ZNF300: variants seen among roughly 807,000 people sequenced by gnomAD.
ZNF300 encodes the protein zinc finger protein 300, also known as kruppel-like zinc finger protein.
Under a neutral mutation model 13.9 loss-of-function variants are expected in ZNF300, and 6 were observed. The ratio of observed to expected loss-of-function variants is 0.43; its 90% CI spans 0.24 to 0.85. The LOEUF (loss-of-function observed/expected upper bound fraction) is 0.85, where lower values mean the gene tolerates loss of function less well. ZNF300 is among the 40% of genes least tolerant of loss of function. The pLI is 0.25. For synonymous variants in ZNF300, 237 were observed against 242.2 expected (o/e 0.98, Z 0.20); for missense variants, 662 against 714.2 (o/e 0.93, Z 0.83).
chr5:150,902,138 C>G (rs191424888), intron 3 of ZNF300, among the ~76,000 whole-genome samples: 34 of 152,114 alleles, frequency 2.2e-4, no homozygotes, highest in African/African-American at 7.7e-4. Flanking sequence ...AAATTTTTAT[C>G]TTTTATATAA....
chr5:150,896,481 G>GTATT lies in ZNF300; in HGVS notation c.754_757dup (p.Thr253LysfsTer14). On this transcript the variant is annotated frameshift_variant, in exon 6 of 6. Transcript: ENST00000274599. LOFTEE classifies it low-confidence loss of function (END_TRUNC). ...ATTCTGATATTGAATAAGGGATTGTGTATTTCTAAAAACGTTTCCACACTG... is the reference window on the plus strand; with the variant it reads ...ATTCTGATATTGAATAAGGGATTGTGTATTTATTTCTAAAAACGTTTCCACACTG... 6.2e-7 allele frequency: 1 copy of GTATT among 1,613,372 alleles called. No homozygotes were observed. Among genetic ancestry groups the GTATT allele is most frequent in the Non-Finnish European group, 8.5e-7 (1 of 1,179,724 alleles).
chr5:150,900,951 A>G (rs962318749), intron 3 of ZNF300, among the ~76,000 whole-genome samples: 4 of 152,114 alleles, frequency 2.6e-5, no homozygotes, highest in Admixed American at 2.6e-4. Flanking sequence ...ATAGTACATA[A>G]TCAGTGAAAA....
chr5:150,902,923 C>T (rs1755035612), intron 3 of ZNF300, among the ~76,000 whole-genome samples: 1 of 152,176 alleles, frequency 6.6e-6, no homozygotes, highest in South Asian at 2.1e-4. Flanking sequence ...AATCGTGTAA[C>T]TCATGATGTC....
rs533675832 is a variant in ZNF300, at chr5:150,896,516, A to C, written c.723T>G (p.Phe241Leu). The change falls in exon 6 of 6, where the codon TTT (phenylalanine) becomes TTG (leucine). Residue 241 changes from phenylalanine (F) to leucine (L), a missense_variant. Physicochemically the swap from Phe to Leu is conservative, Grantham distance 22. Transcript: ENST00000274599. The stretch of plus-strand genomic sequence containing the variant: ...AAACGTTTCCACACTGATTATCATC[A>C]AAAGGTATTACTCCATTGTGAATCT... ...LEKIHNGVIP[F>L]DDNQCGNVFR... 1.9e-6 allele frequency: 3 copies of C among 1,613,640 alleles called. No homozygotes were observed. The highest frequency in any genetic ancestry group is 1.3e-5 in the African/African-American group (1 of 75,032).
rs1311561736 is a variant in ZNF300, at chr5:150,897,969, A to G, written c.265+93T>C. Reference sequence around the variant, plus strand: ...GTTGAGTGACTACTAAATTCTCAGCATAGAAGCAAAGAATAGGAGATTTTG... The same window carrying G: ...GTTGAGTGACTACTAAATTCTCAGCGTAGAAGCAAAGAATAGGAGATTTTG... On this transcript the variant is annotated intron_variant, in intron 5 of 5. Transcript: ENST00000274599. 12 of 1,471,036 alleles carry G rather than the reference A, an allele frequency of 8.2e-6. 1 individual carries two copies. In the African/African-American group the frequency reaches 1.6e-4, roughly 19 times the overall value. The allele number at this position is 1,471,036 out of a possible 1,614,324, so 91.1% of individuals were successfully genotyped here. A position where few individuals can be genotyped will look rare whatever the true frequency, so the allele number is the denominator to read the frequency against.
rs1196275269 is a variant in ZNF300, at chr5:150,898,548, C to T, written c.22G>A (p.Val8Ile). 6 of 1,605,174 alleles carry T rather than the reference C, an allele frequency of 3.7e-6. No homozygotes were observed. The highest frequency in any genetic ancestry group is 5.1e-6 in the Non-Finnish European group (6 of 1,175,170). Reference sequence around the variant, plus strand: ...TCCACAGCCACATCCTTGAATGATACTAACCCCTGTAATAGTAAATTCCTG... The same window carrying T: ...TCCACAGCCACATCCTTGAATGATATTAACCCCTGTAATAGTAAATTCCTG... MMKSQGL[V>I]SFKDVAVDFT... The change falls in exon 4 of 6, where the codon GTA becomes ATA. Residue 8 changes from valine to isoleucine, a missense_variant. By Grantham distance (29) the Val-to-Ile change is conservative. Coordinates refer to ENST00000274599, the MANE Select transcript of ZNF300 (RefSeq NM_052860.4).
Position 150,903,168 on chromosome 5 carries a change from C to G in ZNF300, c.-13G>C, listed in dbSNP as rs1755042646. 1 of 1,612,450 alleles carries G rather than the reference C, an allele frequency of 6.2e-7. No individual in the cohort carries two copies. Among genetic ancestry groups the G allele is most frequent in the Non-Finnish European group, 8.5e-7 (1 of 1,179,554 alleles). On this transcript the variant is annotated 5_prime_UTR_variant, in exon 3 of 6. Coordinates refer to ENST00000274599, the MANE Select transcript of ZNF300 (RefSeq NM_052860.4). ...GGGACTTCATCATTTTTTGCTCTTC[C>G]AAAAGGCCAGATGACTGAAAAAGCA...
At chr5:150,904,296 G>A (rs185830359) in intron 1 of ZNF300, among the ~76,000 whole-genome samples, 1 of 152,184 alleles carries the variant, frequency 6.6e-6, no homozygotes, top group Admixed American at 6.5e-5. Context: ...GCCTTCCCCA[G>A]TAAAATGTGG....
chr5:150,897,899 G>T (rs1754850520), intron 5 of ZNF300, 163 bp downstream of exon 5: 5 of 754,314 alleles, frequency 6.6e-6, no homozygotes, highest in Non-Finnish European at 8.2e-6. Flanking sequence ...CAAGAGACAG[G>T]ATCAACAACA....
In ZNF300 at chr5:150,895,628, C is replaced by T. The variant is rs140923053; in HGVS notation, c.1611G>A (p.Pro537=). 38 of 1,612,900 alleles carry T rather than the reference C, an allele frequency of 2.4e-5. No individual in the cohort carries two copies. The highest frequency in any genetic ancestry group is 1.6e-4 in the African/African-American group (12 of 74,796). The change falls in exon 6 of 6, where the codon CCG becomes CCA. Residue 537 remains proline, a synonymous_variant. Transcript: ENST00000274599. ...CTCCTGTATGAATTCGCTGGTGTCCCGGAAGGTGGGACTTCTGAGAGAAGG... is the reference window on the plus strand; with the variant it reads ...CTCCTGTATGAATTCGCTGGTGTCCTGGAAGGTGGGACTTCTGAGAGAAGG... ...GKAFSQKSHL[P]GHQRIHTGEK...
At position 150,895,826 on chromosome 5, in the gene ZNF300, T is replaced by C; in HGVS notation, c.1413A>G (p.Gly471=). 6.2e-7 allele frequency: 1 copy of C among 1,613,680 alleles called. No homozygotes were observed. The highest frequency in any genetic ancestry group is 8.5e-7 in the Non-Finnish European group (1 of 1,179,838). ...GEKPYECTEC[G]KTFSRKSQLI... ...GCTGTGACTTGCGGGAGAATGTCTT[T>C]CCACATTCAGTACATTCATAAGGTT... Residue 471 remains glycine (G), a synonymous_variant, in exon 6 of 6, where the codon GGA becomes GGG. Transcript: ENST00000274599.
rs1755064292 is a variant in ZNF300, at chr5:150,903,871, A to G, written c.-35T>C. The G allele has an allele frequency of 6.4e-6, 1 of 157,184 alleles. No individual in the cohort carries two copies. Among genetic ancestry groups the G allele is most frequent in the Non-Finnish European group, 1.4e-5 (1 of 70,962 alleles). The allele number at this position is 157,184 out of a possible 1,614,324, so 9.7% of individuals were successfully genotyped here. A position where few individuals can be genotyped will look rare whatever the true frequency, so the allele number is the denominator to read the frequency against. On this transcript the variant is annotated 5_prime_UTR_variant, in exon 2 of 6. Coordinates refer to ENST00000274599, the MANE Select transcript of ZNF300 (RefSeq NM_052860.4). ...ATGCAGGAAGGTAAATACCTGGTAA[A>G]TTTTCCTCAGTCCCAGGACAAGTCA...
At chr5:150,901,584 T>C (rs1754997009) in intron 3 of ZNF300, among the ~76,000 whole-genome samples, 1 of 152,080 alleles carries the variant, frequency 6.6e-6, no homozygotes, top group Non-Finnish European at 1.5e-5. Flanking sequence ...CTGTAAAATA[T>C]ACACAAGGAC....
In ZNF300 at chr5:150,903,138, C is replaced by G. The variant is rs778255141; in HGVS notation, c.15+3G>C. On this transcript the variant is annotated splice_donor_region_variant and intron_variant, in intron 3 of 5. Coordinates refer to ENST00000274599, the MANE Select transcript of ZNF300 (RefSeq NM_052860.4). ...TTTTTTTTTTTTTTAAAAAGCAACT[C>G]ACCTGGGACTTCATCATTTTTTGCT... The G allele has an allele frequency of 6.2e-7, 1 of 1,610,082 alleles. No individual in the cohort carries two copies.
Position 150,896,446 on chromosome 5 carries a change from T to C in ZNF300, c.793A>G (p.Lys265Glu). 1.9e-6 allele frequency: 3 copies of C among 1,613,656 alleles called. No homozygotes were observed. The highest frequency in any genetic ancestry group is 2.5e-6 in the Non-Finnish European group (3 of 1,179,814). The change falls in exon 6 of 6, where the codon AAA (lysine) becomes GAA (glutamate). Residue 265 changes from lysine to glutamate, a missense_variant. Lys to Glu is a moderately conservative substitution (Grantham distance 56). Coordinates refer to ENST00000274599, the MANE Select transcript of ZNF300 (RefSeq NM_052860.4). ...GTAACACATACACAGCTTTTCTCTTTAGTTTCCACATTCTGATATTGAATA... is the reference window on the plus strand; with the variant it reads ...GTAACACATACACAGCTTTTCTCTTCAGTTTCCACATTCTGATATTGAATA... The part of the protein sequence containing the change: ...SLIQYQNVET[K>E]EKSCVCVTCG...
rs759303549 is a variant in ZNF300, at chr5:150,896,221, G to A, written c.1018C>T (p.Leu340Phe). The stretch of plus-strand genomic sequence containing the variant: ...GTGTGAACTCTCTGATGTATAATAA[G>A]GGACGATTTCTGAGAGAAGGCTTTT... The part of the protein sequence containing the change: ...CGKAFSQKSS[L>F]IIHQRVHTGE... The change falls in exon 6 of 6, where the codon CTT (leucine) becomes TTT (phenylalanine). Residue 340 changes from leucine to phenylalanine, a missense_variant. Coordinates refer to ENST00000274599, the MANE Select transcript of ZNF300 (RefSeq NM_052860.4). 6.2e-7 allele frequency: 1 copy of A among 1,613,538 alleles called. No individual in the cohort carries two copies. Among genetic ancestry groups the A allele is most frequent in the Non-Finnish European group, 8.5e-7 (1 of 1,179,802 alleles).
intron 4 of ZNF300, 91 bp from the exon 5 acceptor site, chr5:150,898,275 C>T (rs1754869182): frequency 1.3e-6 from 2 of 1,591,448 alleles, no homozygotes; most frequent in Admixed American, 3.4e-5. Flanking sequence ...TAAAGCTGTC[C>T]AGTTAGCCCT....
chr5:150,903,087 TGA>T, intron 3 of ZNF300, 52 bp downstream of exon 3: 1 of 1,557,404 alleles, frequency 6.4e-7, no homozygotes, highest in East Asian at 2.2e-5. Flanking sequence ...ACTTTCCATT[TGA>T]TTGTATGAAA....
chr5:150,900,836 A>G (rs910472554), intron 3 of ZNF300: 1 of 152,128 alleles, frequency 6.6e-6, no homozygotes, highest in Admixed American at 6.5e-5. Flanking sequence ...CTGAGAGGTA[A>G]ATTCATAGAT....
Sources: allele counts gnomAD v4.1 joint callset (sites outside exome capture counted in the v4.1 genomes callset), GRCh38; gene constraint gnomAD v4.1.1; transcripts MANE v1.5; gene names NCBI Gene and HGNC (gene_info 2026-07-23, HGNC 2026-07-21).